FAM13C: variants seen among roughly 807,000 people sequenced by gnomAD.
FAM13C encodes protein FAM13C.
Under a neutral mutation model 73.2 loss-of-function variants are expected in FAM13C, and 37 were observed. That is an observed-to-expected ratio of 0.51 (90% CI 0.39 to 0.67). FAM13C has a LOEUF of 0.67. Ranked by LOEUF, FAM13C falls within the 30% of genes least tolerant of loss-of-function variation. The pLI, the probability that FAM13C is intolerant of heterozygous loss-of-function variation, is 0.00. For synonymous variants in FAM13C, 246 were observed against 260.9 expected, an observed-to-expected ratio of 0.94 and a Z score of 0.55; for missense variants, 589 against 715.6, an observed-to-expected ratio of 0.82 and a Z score of 2.02.
chr10:59,345,797 C>T (rs1325459295), intron 3 of FAM13C, among the ~76,000 whole-genome samples: 1 of 152,216 alleles, frequency 6.6e-6, no homozygotes, highest in South Asian at 2.1e-4. Flanking sequence ...TGACCAGGAA[C>T]AAATCTTCCA....
intron 3 of FAM13C, among the ~76,000 whole-genome samples, chr10:59,331,577 T>C (rs1347672495): frequency 6.6e-6 from 1 of 152,116 alleles, no homozygotes; most frequent in Non-Finnish European, 1.5e-5. Flanking sequence ...ATATTATAAG[T>C]AAGGCATGTT....
chr10:59,290,451 A>T (rs1201781665), intron 5 of FAM13C, among the ~76,000 whole-genome samples: 1 of 152,146 alleles, frequency 6.6e-6, no homozygotes, highest in Non-Finnish European at 1.5e-5. Context: ...ATTTCTACTT[A>T]CCACTCTTCT....
chr10:59,360,786 C>G (rs377256303), intron 1 of FAM13C, among the ~76,000 whole-genome samples: 4 of 146,686 alleles, frequency 2.7e-5, no homozygotes, highest in African/African-American at 1.0e-4. Context: ...GCAATCAGAA[C>G]TCCTTGGGGA....
At position 59,247,741 on chromosome 10, in the gene FAM13C, C is replaced by T; in HGVS notation, c.1635-4G>A. ...CCTATCTTCCTTTTGTGGACTTCTGCAAAACAAAAATACATTTGTTAGTTC... is the reference window on the plus strand; with the variant it reads ...CCTATCTTCCTTTTGTGGACTTCTGTAAAACAAAAATACATTTGTTAGTTC... On this transcript the variant is annotated splice_region_variant and splice_polypyrimidine_tract_variant and intron_variant, in intron 13 of 13. Coordinates refer to ENST00000618804, the MANE Select transcript of FAM13C (RefSeq NM_198215.4). The T allele has an allele frequency of 6.2e-7, 1 of 1,605,842 alleles. No individual in the cohort carries two copies. Among genetic ancestry groups the T allele is most frequent in the Non-Finnish European group, 8.5e-7 (1 of 1,176,894 alleles).
chr10:59,262,524 CTCCGGGCCCGCAGCT>C lies in FAM13C; in HGVS notation c.1131_1145del (p.Ala378_Glu382del). 6.2e-7 allele frequency: 1 copy of C among 1,613,788 alleles called. No homozygotes were observed. Among genetic ancestry groups the C allele is most frequent in the Non-Finnish European group, 8.5e-7 (1 of 1,179,786 alleles). Reference sequence around the variant, plus strand: ...GAGTCTCTTCTCCAGAGGAGCTTGGCTCCGGGCCCGCAGCTTCCGGTTTCCCATTTTCTCTGGGGA... The same window carrying C: ...GAGTCTCTTCTCCAGAGGAGCTTGGCTCCGGTTTCCCATTTTCTCTGGGGA... On this transcript the variant is annotated inframe_deletion, in exon 10 of 14. Coordinates refer to ENST00000618804, the MANE Select transcript of FAM13C (RefSeq NM_198215.4).
intron 3 of FAM13C, among the ~76,000 whole-genome samples, chr10:59,343,082 T>A (rs1853725383): frequency 6.6e-6 from 1 of 152,228 alleles, no homozygotes; most frequent in African/African-American, 2.4e-5. Flanking sequence ...CAGGTTCAGC[T>A]GGCATAACCC....
chr10:59,278,594 G>C (rs146697926), intron 6 of FAM13C, among the ~76,000 whole-genome samples: 2 of 152,082 alleles, frequency 1.3e-5, no homozygotes, highest in Non-Finnish European at 2.9e-5. Flanking sequence ...CAGATGCCAG[G>C]AATGTCCACC....
At chr10:59,311,840 G>C (rs1848962995) in intron 4 of FAM13C, among the ~76,000 whole-genome samples, 1 of 152,138 alleles carries the variant, frequency 6.6e-6, no homozygotes, top group Non-Finnish European at 1.5e-5. Flanking sequence ...CAGTTGCTCA[G>C]AGTGGCAACC....
chr10:59,268,721 C>A (rs573400371), intron 7 of FAM13C, 30 bp from the exon 8 acceptor site: 1 of 1,598,606 alleles, frequency 6.3e-7, no homozygotes, highest in Non-Finnish European at 8.5e-7. Context: ...GAAGGAGTAT[C>A]AAAAACAGTG....
chr10:59,249,601 T>C (rs1019469262), intron 13 of FAM13C, among the ~76,000 whole-genome samples: 2 of 152,116 alleles, frequency 1.3e-5, no homozygotes, highest in Non-Finnish European at 2.9e-5. Context: ...ACCAAGAACA[T>C]TTATAGTGCC....
intron 4 of FAM13C, among the ~76,000 whole-genome samples, chr10:59,314,692 A>T (rs1289428333): frequency 1.3e-5 from 2 of 151,708 alleles, no homozygotes; most frequent in Non-Finnish European, 2.9e-5. Flanking sequence ...CTTGGACCCC[A>T]CCCCCACTTA....
At chr10:59,296,899 T>C (rs1214712638) in intron 5 of FAM13C, 2 of 152,216 alleles carry the variant, frequency 1.3e-5, no homozygotes, top group Admixed American at 1.3e-4. Context: ...AGGCAGAACA[T>C]ACCTTTAGAA....
intron 3 of FAM13C, among the ~76,000 whole-genome samples, chr10:59,348,346 C>G (rs906121828): frequency 2.0e-5 from 3 of 152,218 alleles, no homozygotes; most frequent in Non-Finnish European, 4.4e-5. Context: ...CAGAACCACT[C>G]TCTCAACCAT....
chr10:59,294,952 T>C (rs994482049), intron 5 of FAM13C, among the ~76,000 whole-genome samples: 4 of 152,182 alleles, frequency 2.6e-5, no homozygotes, highest in Non-Finnish European at 4.4e-5. Flanking sequence ...TTATGCAGCA[T>C]CTAATTACTT....
intron 3 of FAM13C, among the ~76,000 whole-genome samples, chr10:59,328,577 A>C (rs774082131): frequency 6.6e-6 from 1 of 152,198 alleles, no homozygotes; most frequent in Admixed American, 6.5e-5. Context: ...TCTGAAAGTC[A>C]GAAATGTATC....
intron 5 of FAM13C, among the ~76,000 whole-genome samples, chr10:59,292,409 TAGTA>T (rs1846365364): frequency 6.6e-6 from 1 of 152,252 alleles, no homozygotes; most frequent in Admixed American, 6.5e-5. Context: ...AAACTAAACT[TAGTA>T]AGATGGTAGC....
chr10:59,352,411 G>C lies in FAM13C; in HGVS notation c.183C>G (p.Pro61=). The C allele has an allele frequency of 3.7e-6, 6 of 1,613,950 alleles. No homozygotes were observed. Among genetic ancestry groups the C allele is most frequent in the Middle Eastern group, 1.6e-4 (1 of 6,062 alleles). ...AGALVEEHAP[P]SWEPQQQNVE... ...CATTCTGCTGCTGCGGCTCCCAAGA[G>C]GGCGGCGCGTGCTCTTCTACCAGAG... The change falls in exon 3 of 14, where the codon CCC becomes CCG. Residue 61 remains proline (P), a synonymous_variant. Coordinates refer to ENST00000618804, the MANE Select transcript of FAM13C (RefSeq NM_198215.4).
intron 3 of FAM13C, among the ~76,000 whole-genome samples, chr10:59,342,849 T>C (rs1051712901): frequency 6.6e-6 from 1 of 152,220 alleles, no homozygotes; most frequent in Non-Finnish European, 1.5e-5. Context: ...GCTTTACTTC[T>C]AAGCTCCAAA....
chr10:59,309,890 C>T (rs1015701096), intron 4 of FAM13C, among the ~76,000 whole-genome samples: 1 of 152,136 alleles, frequency 6.6e-6, no homozygotes. Flanking sequence ...TGGGCAGCTG[C>T]CAATTCTTAT....
Sources: gnomAD v4.1 joint callset for allele counts (sites outside exome capture counted in the v4.1 genomes callset) on GRCh38, gnomAD v4.1.1 for gene constraint, MANE v1.5 for transcripts, NCBI Gene and HGNC (gene_info 2026-07-23, HGNC 2026-07-21) for gene names.